The following MTRF1 variants were observed in gnomAD, a reference collection of about 807,000 sequenced individuals.
The protein encoded by MTRF1 is peptide chain release factor 1, mitochondrial.
Under a neutral mutation model 62.9 loss-of-function variants are expected in MTRF1, and 51 were observed. The ratio of observed to expected loss-of-function variants is 0.81; its 90% CI spans 0.65 to 1.02. The LOEUF (loss-of-function observed/expected upper bound fraction) is 1.02. Ranked by LOEUF, MTRF1 falls within the 50% of genes least tolerant of loss-of-function variation. The pLI is 0.00. For synonymous variants in MTRF1, 158 were observed against 181.9 expected, an observed-to-expected ratio of 0.87 and a Z score of 1.06; for missense variants, 446 against 530.0, an observed-to-expected ratio of 0.84 and a Z score of 1.56.
the MTRF1 span, among the ~76,000 whole-genome samples, chr13:41,290,037 G>A: frequency 2.6e-5 from 4 of 151,268 alleles, no homozygotes; most frequent in African/African-American, 9.7e-5. Flanking sequence ...TTATGCTACA[G>A]GAAGAAACAA....
the MTRF1 span, among the ~76,000 whole-genome samples, chr13:41,272,240 T>C: frequency 6.6e-6 from 1 of 152,242 alleles, no homozygotes; most frequent in African/African-American, 2.4e-5. Flanking sequence ...TTGTTCTGAA[T>C]TCTTTACAGG....
At chr13:41,311,940 C>T in the MTRF1 span, among the ~76,000 whole-genome samples, 2 of 152,366 alleles carry the variant, frequency 1.3e-5, no homozygotes, top group African/African-American at 2.4e-5. Flanking sequence ...AGGGATCCTC[C>T]CCCGGTGGTT....
chr13:41,219,582 A>T (rs1303328163), intron 9 of MTRF1, among the ~76,000 whole-genome samples: 1 of 152,242 alleles, frequency 6.6e-6, no homozygotes, highest in Admixed American at 6.5e-5. Context: ...GTAAGGAACC[A>T]TGAATTTTGA....
At chr13:41,225,155 T>G (rs941231617) in intron 8 of MTRF1, among the ~76,000 whole-genome samples, 2 of 141,188 alleles carry the variant, frequency 1.4e-5, no homozygotes, top group South Asian at 2.2e-4. Flanking sequence ...GAGGTTGCAG[T>G]GAGCCAAGAT....
At chr13:41,274,104 T>G in the MTRF1 span, among the ~76,000 whole-genome samples, 1 of 152,200 alleles carries the variant, frequency 6.6e-6, no homozygotes, top group Non-Finnish European at 1.5e-5. Context: ...GACTTTTCCC[T>G]TTAGCTTAGT....
chr13:41,230,397 T>C (rs777089855), intron 7 of MTRF1, among the ~76,000 whole-genome samples: 28 of 151,624 alleles, frequency 1.8e-4, no homozygotes, highest in South Asian at 8.3e-4. Context: ...CCCGAGGAGC[T>C]GGGATTACAT....
chr13:41,219,146 C>A (rs1459950556), intron 9 of MTRF1, among the ~76,000 whole-genome samples: 1 of 24,104 alleles, frequency 4.1e-5, no homozygotes, highest in East Asian at 1.0e-3. Flanking sequence ...CAAAAATTAG[C>A]CAGGCGTGGT....
At chr13:41,299,088 G>A in the MTRF1 span, among the ~76,000 whole-genome samples, 6 of 118,132 alleles carry the variant, frequency 5.1e-5, no homozygotes. Context: ...TGAGGCAGGT[G>A]AATCACTTCA....
intron 6 of MTRF1, among the ~76,000 whole-genome samples, chr13:41,238,755 A>C (rs2037078900): frequency 6.6e-6 from 1 of 152,180 alleles, no homozygotes; most frequent in Non-Finnish European, 1.5e-5. Flanking sequence ...CTAACTACTA[A>C]AACTAAGGTA....
chr13:41,252,811 AC>A, intron 4 of MTRF1, 59 bp from the exon 5 acceptor site: 1 of 1,460,628 alleles, frequency 6.8e-7, no homozygotes, highest in Non-Finnish European at 9.6e-7. Context: ...CACCCTTAAG[AC>A]TAAGTCCTTT....
intron 9 of MTRF1, among the ~76,000 whole-genome samples, chr13:41,220,266 G>T (rs1397732840): frequency 7.0e-6 from 1 of 142,716 alleles, no homozygotes; most frequent in African/African-American, 2.6e-5. Flanking sequence ...GGAAGCAGAG[G>T]CTGCAGAGAT....
the MTRF1 span, among the ~76,000 whole-genome samples, chr13:41,286,341 C>T: frequency 1.3e-5 from 2 of 152,158 alleles, no homozygotes; most frequent in African/African-American, 2.4e-5. Flanking sequence ...CTAGCCAGAA[C>T]ACTTGATCCA....
the MTRF1 span, among the ~76,000 whole-genome samples, chr13:41,284,701 T>C: frequency 7.9e-5 from 12 of 152,036 alleles, no homozygotes; most frequent in Non-Finnish European, 1.2e-4. Context: ...ATATCGACGC[T>C]GGAGTGCAGT....
the MTRF1 span, among the ~76,000 whole-genome samples, chr13:41,309,341 AGT>A: frequency 0.33 from 44,723 of 135,136 alleles, 7,241 homozygotes; most frequent in Admixed American, 0.44. Context: ...ATGCCCAGCT[AGT>A]GTGTGTGTGT....
the MTRF1 span, among the ~76,000 whole-genome samples, chr13:41,291,064 C>CCA: frequency 6.7e-6 from 1 of 149,804 alleles, no homozygotes; most frequent in African/African-American, 2.5e-5. Context: ...CCATTGCACT[C>CCA]CAGCCTGGGC....
the MTRF1 span, among the ~76,000 whole-genome samples, chr13:41,286,095 A>C: frequency 6.0e-5 from 9 of 151,050 alleles, no homozygotes; most frequent in Admixed American, 1.3e-4. Context: ...CAACAAAAAA[A>C]AAAAAAAAAA....
chr13:41,267,814 T>G (rs1196613586), upstream of MTRF1, among the ~76,000 whole-genome samples: 2 of 151,714 alleles, frequency 1.3e-5, no homozygotes, highest in Non-Finnish European at 2.9e-5. Flanking sequence ...TGTACTGAGC[T>G]GTGATTCACC....
chr13:41,281,906 G>A, the MTRF1 span, among the ~76,000 whole-genome samples: 1 of 152,156 alleles, frequency 6.6e-6, no homozygotes, highest in Non-Finnish European at 1.5e-5. Flanking sequence ...GGAGGCCGAG[G>A]TGGGCAGATC....
the MTRF1 span, among the ~76,000 whole-genome samples, chr13:41,310,409 G>A: frequency 6.6e-6 from 1 of 152,306 alleles, no homozygotes; most frequent in East Asian, 1.9e-4. Flanking sequence ...GGTGGCTCAC[G>A]CCTGTAATCC....
Sources: allele counts gnomAD v4.1 joint callset (sites outside exome capture counted in the v4.1 genomes callset), GRCh38; gene constraint gnomAD v4.1.1; transcripts MANE v1.5; gene names NCBI Gene and HGNC (gene_info 2026-07-23, HGNC 2026-07-21).